The following ANKMY2 variants were observed in gnomAD, a reference collection of about 807,000 sequenced individuals.
The protein encoded by ANKMY2 is ankyrin repeat and MYND domain containing 2.
In ANKMY2, 36 loss-of-function variants were observed where a neutral mutation model predicts 50.4. The ratio of observed to expected loss-of-function variants is 0.71; its 90% confidence interval spans 0.55 to 0.94. ANKMY2 has a LOEUF of 0.94. ANKMY2 is among the 40% of genes least tolerant of loss of function. The pLI, the probability that ANKMY2 is intolerant of heterozygous loss-of-function variation, is 0.00. For synonymous variants in ANKMY2, 187 were observed against 178.8 expected, an observed-to-expected ratio of 1.05 and a Z score of -0.36; for missense variants, 565 against 524.0, an observed-to-expected ratio of 1.08 and a Z score of -0.76.
At chr7:16,638,918 A>G (rs1781708743) in intron 1 of ANKMY2, among the ~76,000 whole-genome samples, 1 of 152,244 alleles carries the variant, frequency 6.6e-6, no homozygotes, top group South Asian at 2.1e-4. Flanking sequence ...AGCCAGTGGC[A>G]GAGACCAAAT....
At position 16,627,198 on chromosome 7, in the gene ANKMY2, A is replaced by C; in HGVS notation, c.133-20T>G. ...TCCATTCTTTAATAGAAAGAGGAAA[A>C]AAGTATTAATTTTACTGTTTTATCT... On this transcript the variant is annotated intron_variant, in intron 2 of 9. Transcript: ENST00000306999. 1 of 1,538,216 alleles carries C rather than the reference A, an allele frequency of 6.5e-7. No individual in the cohort carries two copies. The highest frequency in any genetic ancestry group is 8.8e-7 in the Non-Finnish European group (1 of 1,130,794).
chr7:16,629,892 G>A (rs1034302551), intron 2 of ANKMY2, among the ~76,000 whole-genome samples: 2 of 152,016 alleles, frequency 1.3e-5, no homozygotes, highest in Non-Finnish European at 1.5e-5. Context: ...GTAAAAAGAA[G>A]TAATATTAAT....
intron 7 of ANKMY2, among the ~76,000 whole-genome samples, chr7:16,606,064 G>A (rs1052409158): frequency 3.9e-5 from 6 of 152,092 alleles, no homozygotes; most frequent in African/African-American, 7.2e-5. Context: ...TGGTTCGCCC[G>A]CCTTGGCTTC....
Position 16,600,722 on chromosome 7 carries a change from C to A in ANKMY2, c.*39G>T, listed in dbSNP as rs746326492. 3.5e-5 allele frequency: 53 copies of A among 1,516,436 alleles called. No individual in the cohort carries two copies. Among genetic ancestry groups the A allele is most frequent in the Non-Finnish European group, 4.7e-5 (53 of 1,130,370 alleles). The allele number at this position is 1,516,436 out of a possible 1,614,324, so 93.9% of individuals were successfully genotyped here. A position where few individuals can be genotyped will look rare whatever the true frequency, so the allele number is the denominator to read the frequency against. The stretch of plus-strand genomic sequence containing the variant: ...TTCCTAGGAGTTTTCCAGCTTCTTG[C>A]AGGGTGAGGATCATCCACACTGGCA... On this transcript the variant is annotated 3_prime_UTR_variant, in exon 10 of 10. Transcript: ENST00000306999.
intron 1 of ANKMY2, among the ~76,000 whole-genome samples, chr7:16,642,652 GA>G (rs879845640): frequency 0.019 from 2,376 of 127,082 alleles, 59 homozygotes; most frequent in African/African-American, 0.064. Context: ...ACGTATGAAA[GA>G]AAAAAAAAAA....
chr7:16,640,378 G>T lies in ANKMY2; in HGVS notation c.68-3923C>A, dbSNP rs558529084. On this transcript the variant is annotated intron_variant, in intron 1 of 9. Coordinates refer to ENST00000306999, the MANE Select transcript of ANKMY2 (RefSeq NM_020319.3). ...TTCATTGTAACATTTCTAATATCTA[G>T]ATCGGGAACACGGGTCTCTACCAAA... 2.6e-5 allele frequency among the ~76,000 whole-genome samples: 4 copies of T among 152,184 alleles called. No individual in the cohort carries two copies. In the South Asian group the frequency reaches 8.3e-4, roughly 32 times the overall value.
rs1181651480 is a variant in ANKMY2 at position 16,604,777 on chromosome 7, A to C, written c.955T>G (p.Phe319Val). 6.2e-7 allele frequency: 1 copy of C among 1,614,048 alleles called. No individual in the cohort carries two copies. The highest frequency in any genetic ancestry group is 2.2e-5 in the East Asian group (1 of 44,874). The change falls in exon 8 of 10, where the codon TTT becomes GTT. Residue 319 changes from phenylalanine (F) to valine (V), a missense_variant. Transcript: ENST00000306999. Reference sequence around the variant, plus strand: ...CCCTTTTCTCCACAGGTAGTGCAAAATTCCACATCCACAAAACCCACCTGG... The same window carrying C: ...CCCTTTTCTCCACAGGTAGTGCAAACTTCCACATCCACAAAACCCACCTGG... The part of the protein sequence containing the change: ...TGQVGFVDVE[F>V]CTTCGEKGAS...
chr7:16,610,232 T>C (rs1781225104), intron 6 of ANKMY2, among the ~76,000 whole-genome samples: 1 of 152,192 alleles, frequency 6.6e-6, no homozygotes, highest in African/African-American at 2.4e-5. Flanking sequence ...ACCTAGGGCA[T>C]AAAATATTCT....
chr7:16,643,771 C>A (rs1207628413), intron 1 of ANKMY2, among the ~76,000 whole-genome samples: 2 of 151,202 alleles, frequency 1.3e-5, no homozygotes, highest in Non-Finnish European at 2.9e-5. Flanking sequence ...GTAATCCCAG[C>A]ACTTAGGGAG....
chr7:16,644,836 G>A (rs755719118), intron 1 of ANKMY2: 2 of 404,902 alleles, frequency 4.9e-6, no homozygotes, highest in Non-Finnish European at 1.0e-5. Context: ...ACAAGAAAGC[G>A]CGAAGGAGCG....
At chr7:16,641,866 A>AGAGATCT (rs1402607710) in intron 1 of ANKMY2, among the ~76,000 whole-genome samples, 2 of 152,240 alleles carry the variant, frequency 1.3e-5, no homozygotes, top group African/African-American at 4.8e-5. Context: ...CAACAGAGGC[A>AGAGATCT]GAGATCTGTT....
chr7:16,616,478 G>A (rs1781350879), intron 4 of ANKMY2, among the ~76,000 whole-genome samples: 1 of 151,644 alleles, frequency 6.6e-6, no homozygotes, highest in African/African-American at 2.4e-5. Context: ...AGAATTCCAA[G>A]CCACTTCTCT....
chr7:16,600,941 GCCGTCTGATT>G lies in ANKMY2; in HGVS notation c.1142-6_1145del. ...CACAGTTAGAATTGACATCAAGTTT[GCCGTCTGATT>G]AAAAAAAGAAGAAGTTATTTTGTTC... is the stretch of plus-strand genomic sequence containing the variant. On this transcript the variant is annotated splice_acceptor_variant and splice_polypyrimidine_tract_variant and coding_sequence_variant and intron_variant, in exon 10 of 10. Coordinates refer to ENST00000306999, the MANE Select transcript of ANKMY2 (RefSeq NM_020319.3). LOFTEE classifies it high-confidence loss of function. 6.3e-7 allele frequency: 1 copy of G among 1,579,902 alleles called. No homozygotes were observed. The highest frequency in any genetic ancestry group is 1.8e-5 in the Admixed American group (1 of 54,382).
At position 16,609,703 on chromosome 7, in the gene ANKMY2, C is replaced by T. The variant is rs1193175953; in HGVS notation, c.809G>A (p.Ser270Asn). 6.2e-7 allele frequency: 1 copy of T among 1,612,568 alleles called. No homozygotes were observed. The highest frequency in any genetic ancestry group is 1.3e-5 in the African/African-American group (1 of 74,798). ...TTCACAGTAAGGAAATTTTCTGATA[C>T]TTTCTCTAATGATCTTTTCTTGATA... ...PVYQEKIIRE[S>N]IRKFPYCEAT... The change falls in exon 7 of 10, where the codon AGT becomes AAT. Residue 270 changes from serine to asparagine, a missense_variant. Coordinates refer to ENST00000306999, the MANE Select transcript of ANKMY2 (RefSeq NM_020319.3).
chr7:16,645,325 TC>T (rs1781819694), intron 1 of ANKMY2, among the ~76,000 whole-genome samples, 181 bp downstream of exon 1: 1 of 152,076 alleles, frequency 6.6e-6, no homozygotes, highest in Non-Finnish European at 1.5e-5. Flanking sequence ...TGCTTCTGCC[TC>T]CCCACCTCTC....
At position 16,615,786 on chromosome 7, in the gene ANKMY2, C is replaced by T. The variant is rs769415949; in HGVS notation, c.489G>A (p.Pro163=). 1.2e-5 allele frequency: 20 copies of T among 1,614,084 alleles called. No individual in the cohort carries two copies. Among genetic ancestry groups the T allele is most frequent in the Middle Eastern group, 1.6e-4 (1 of 6,084 alleles). Residue 163 remains proline, a synonymous_variant, in exon 5 of 10, where the codon CCG becomes CCA. Coordinates refer to ENST00000306999, the MANE Select transcript of ANKMY2 (RefSeq NM_020319.3). ...TCGTTGTGGTGATAATTTTGTGCAGCGGGCCTGCCAACTTTGGGGGCAGTT... is the reference window on the plus strand; with the variant it reads ...TCGTTGTGGTGATAATTTTGTGCAGTGGGCCTGCCAACTTTGGGGGCAGTT... ...EPKLPPKLAG[P]LHKIITTTNL...
intron 4 of ANKMY2, among the ~76,000 whole-genome samples, chr7:16,617,980 T>C (rs527960512): frequency 4.3e-4 from 64 of 148,578 alleles, no homozygotes; most frequent in Admixed American, 1.5e-3. Context: ...CAGGCTGTAG[T>C]GCAGTCACGT....
chr7:16,599,893 G>A lies in ANKMY2; in HGVS notation c.*868C>T, dbSNP rs1482792748. On this transcript the variant is annotated 3_prime_UTR_variant, in exon 10 of 10. Coordinates refer to ENST00000306999, the MANE Select transcript of ANKMY2 (RefSeq NM_020319.3). ...TTAAATACCACATATGCTAAAAACC[G>A]ACGCCAGGACATTCTCTAAATGAGT... The A allele has an allele frequency of 6.6e-6, 1 of 152,118 alleles. No individual in the cohort carries two copies. Among genetic ancestry groups the A allele is most frequent in the Non-Finnish European group, 1.5e-5 (1 of 68,036 alleles). The allele number at this position is 152,118 out of a possible 1,614,324, so 9.4% of individuals were successfully genotyped here.
intron 8 of ANKMY2, among the ~76,000 whole-genome samples, chr7:16,603,237 C>T (rs1781100157): frequency 6.6e-6 from 1 of 152,024 alleles, no homozygotes; most frequent in African/African-American, 2.4e-5. Context: ...AGGTAGCTAG[C>T]ATCAAGAAAA....
Sources: allele counts gnomAD v4.1 joint callset (sites outside exome capture counted in the v4.1 genomes callset), GRCh38; gene constraint gnomAD v4.1.1; transcripts MANE v1.5; gene names NCBI Gene and HGNC (gene_info 2026-07-23, HGNC 2026-07-21).